Variants in PPP2R2B observed in about 807,000 individuals in gnomAD.
PPP2R2B encodes protein phosphatase 2 regulatory subunit Bbeta.
Under a neutral mutation model 46.0 loss-of-function variants are expected in PPP2R2B, and 5 were observed. That is an observed-to-expected ratio of 0.11 (90% confidence interval 0.06 to 0.23). PPP2R2B has a LOEUF of 0.23. PPP2R2B is among the 10% of genes least tolerant of loss of function. PPP2R2B has a pLI of 1.00. For synonymous variants in PPP2R2B, 215 were observed against 206.7 expected (o/e 1.04, Z -0.34); for missense variants, 367 against 575.0 (o/e 0.64, Z 3.70).
intron 1 of PPP2R2B, among the ~76,000 whole-genome samples, chr5:147,023,531 A>T (rs571005201): frequency 6.6e-6 from 1 of 152,240 alleles, no homozygotes; most frequent in Non-Finnish European, 1.5e-5. Flanking sequence ...GTAAAAGGAC[A>T]GAAAAAGACC....
chr5:146,937,930 A>T (rs543670948), intron 1 of PPP2R2B, among the ~76,000 whole-genome samples: 1 of 152,146 alleles, frequency 6.6e-6, no homozygotes, highest in South Asian at 2.1e-4. Context: ...CAGCACTGTC[A>T]TGTTCGTCTT....
chr5:146,877,932 G>A, intron 2 of PPP2R2B, 70 bp downstream of exon 2: 3 of 1,539,248 alleles, frequency 1.9e-6, no homozygotes, highest in Non-Finnish European at 2.7e-6. Context: ...GCGCCCAGCT[G>A]CCCAGGAAGC....
chr5:146,831,525 C>A, intron 2 of PPP2R2B, among the ~76,000 whole-genome samples: 1 of 140,170 alleles, frequency 7.1e-6, no homozygotes, highest in African/African-American at 2.6e-5. Flanking sequence ...AAAAAAAAAG[C>A]CTCTGGGTTG....
At chr5:146,660,278 G>T (rs1017694345) in intron 5 of PPP2R2B, among the ~76,000 whole-genome samples, 1 of 152,146 alleles carries the variant, frequency 6.6e-6, no homozygotes, top group African/African-American at 2.4e-5. Flanking sequence ...TTCATTTTCA[G>T]TAGGAAGAAT....
chr5:146,779,907 G>A (rs1409140362), intron 2 of PPP2R2B, among the ~76,000 whole-genome samples: 23 of 152,166 alleles, frequency 1.5e-4, no homozygotes, highest in Non-Finnish European at 1.5e-5. Context: ...TGAAGGTGAA[G>A]TCTGCTTTTG....
At chr5:146,967,121 C>G (rs746431563) in intron 1 of PPP2R2B, among the ~76,000 whole-genome samples, 4 of 152,160 alleles carry the variant, frequency 2.6e-5, no homozygotes, top group Admixed American at 6.5e-5. Context: ...TTGTCTAATT[C>G]CAAAGGCCCT....
chr5:147,016,268 G>A (rs1005270038), intron 1 of PPP2R2B, among the ~76,000 whole-genome samples: 3 of 151,094 alleles, frequency 2.0e-5, no homozygotes, highest in Admixed American at 6.6e-5. Context: ...CCAGGACTTC[G>A]CGGTTATAGT....
chr5:146,955,903 T>C (rs1221520289), intron 1 of PPP2R2B, among the ~76,000 whole-genome samples: 2 of 151,126 alleles, frequency 1.3e-5, no homozygotes, highest in Admixed American at 6.6e-5. Context: ...CTCAGCCTCC[T>C]GAGTAGCTGG....
chr5:146,928,607 T>A (rs1248381769), intron 1 of PPP2R2B, among the ~76,000 whole-genome samples: 1 of 152,164 alleles, frequency 6.6e-6, no homozygotes, highest in Non-Finnish European at 1.5e-5. Flanking sequence ...AGAAATACCA[T>A]CTTTCACAGG....
intron 1 of PPP2R2B, among the ~76,000 whole-genome samples, chr5:147,046,678 A>G (rs1477617529): frequency 6.6e-6 from 1 of 151,904 alleles, no homozygotes; most frequent in Non-Finnish European, 1.5e-5. Context: ...TGAAAGAGTC[A>G]AAGAATGAAA....
At chr5:146,970,962 AC>A (rs1269442943) in intron 1 of PPP2R2B, among the ~76,000 whole-genome samples, 4 of 152,208 alleles carry the variant, frequency 2.6e-5, no homozygotes, top group Admixed American at 2.0e-4. Flanking sequence ...ATCCCTTCAG[AC>A]TTTTGATCTA....
intron 1 of PPP2R2B, among the ~76,000 whole-genome samples, chr5:146,978,615 A>T (rs1449501229): frequency 2.0e-5 from 3 of 152,192 alleles, no homozygotes; most frequent in Non-Finnish European, 1.5e-5. Flanking sequence ...AACATCATTT[A>T]TTAAATAGGG....
intron 1 of PPP2R2B, among the ~76,000 whole-genome samples, chr5:146,970,112 C>T (rs754801226): frequency 4.6e-5 from 7 of 152,180 alleles, no homozygotes; most frequent in African/African-American, 7.2e-5. Flanking sequence ...TTACTCATTA[C>T]TGACACCCTA....
At chr5:146,625,302 G>A (rs565437261) in intron 7 of PPP2R2B, among the ~76,000 whole-genome samples, 1 of 152,082 alleles carries the variant, frequency 6.6e-6, no homozygotes, top group Non-Finnish European at 1.5e-5. Flanking sequence ...TAACAAGGTA[G>A]GTATTTTATT....
chr5:146,643,182 A>ATG (rs1561797656), intron 6 of PPP2R2B, among the ~76,000 whole-genome samples: 5 of 148,516 alleles, frequency 3.4e-5, no homozygotes, highest in Non-Finnish European at 7.5e-5. Context: ...ACACACACAC[A>ATG]CGAGAGAGAG....
At chr5:147,081,270 G>C in exon 1 of PPP2R2B, 1 of 1,535,660 alleles carries the variant, frequency 6.5e-7, no homozygotes. Flanking sequence ...GTATCATCTC[G>C]TCAGAGAAGA....
At chr5:146,603,483 T>G (rs962828917) in intron 7 of PPP2R2B, among the ~76,000 whole-genome samples, 1 of 152,222 alleles carries the variant, frequency 6.6e-6, no homozygotes, top group Non-Finnish European at 1.5e-5. Flanking sequence ...AAGATGGATG[T>G]GAAATGAAAG....
intron 5 of PPP2R2B, 98 bp from the exon 6 acceptor site, chr5:146,650,822 A>G: frequency 8.7e-7 from 1 of 1,143,480 alleles, no homozygotes; most frequent in Non-Finnish European, 1.2e-6. Flanking sequence ...ACAAAATAAT[A>G]GCCACATTGA....
intron 1 of PPP2R2B, among the ~76,000 whole-genome samples, chr5:146,968,854 G>A (rs1752549056): frequency 6.6e-6 from 1 of 152,178 alleles, no homozygotes. Flanking sequence ...CATCTCAAAA[G>A]TATAGATTAT....
Sources: allele counts gnomAD v4.1 joint callset (sites outside exome capture counted in the v4.1 genomes callset), GRCh38; gene constraint gnomAD v4.1.1; transcripts MANE v1.5; gene names NCBI Gene and HGNC (gene_info 2026-07-23, HGNC 2026-07-21).